GARIN1B: variants seen among roughly 807,000 people sequenced by gnomAD.
GARIN1B encodes the protein Golgi-associated RAB2 interactor protein 1B.
chr7:128,715,723 G>C, the GARIN1B span: 3 of 1,556,596 alleles, frequency 1.9e-6, no homozygotes, highest in Non-Finnish European at 2.7e-6. Context: ...AGCACTCTTT[G>C]ATTCTTCGAA....
the GARIN1B span, among the ~76,000 whole-genome samples, chr7:128,716,136 G>A: frequency 6.6e-6 from 1 of 152,204 alleles, no homozygotes; most frequent in African/African-American, 2.4e-5. Flanking sequence ...AGTAACCTGT[G>A]CAGCCTGAAT....
chr7:128,723,122 C>T, the GARIN1B span: 1 of 1,456,674 alleles, frequency 6.9e-7, no homozygotes, highest in Non-Finnish European at 9.1e-7. Context: ...ACTTTAGAGT[C>T]TGGACCATGA....
At chr7:128,730,044 C>A in the GARIN1B span, 3 of 1,614,054 alleles carry the variant, frequency 1.9e-6, no homozygotes, top group South Asian at 2.2e-5. Flanking sequence ...CAGCCTCCAC[C>A]GGGCCACAGC....
chr7:128,718,233 GA>G, the GARIN1B span, among the ~76,000 whole-genome samples: 2 of 152,066 alleles, frequency 1.3e-5, no homozygotes, highest in Non-Finnish European at 2.9e-5. Context: ...AGGAGTTCGA[GA>G]CCAGCCTGAC....
the GARIN1B span, chr7:128,729,829 C>T: frequency 3.3e-6 from 5 of 1,516,388 alleles, no homozygotes; most frequent in Admixed American, 1.8e-5. Flanking sequence ...AGCACCCCCC[C>T]AAATGTCAGC....
the GARIN1B span, chr7:128,723,420 G>A: frequency 7.0e-7 from 1 of 1,429,862 alleles, no homozygotes; most frequent in African/African-American, 1.4e-5. Flanking sequence ...AATGAGCGCA[G>A]GGTTTTACGT....
At chr7:128,728,345 G>C in the GARIN1B span, among the ~76,000 whole-genome samples, 457 of 152,186 alleles carry the variant, frequency 3.0e-3, 2 homozygotes, top group African/African-American at 0.01. Flanking sequence ...GGGAGGCTGA[G>C]ACAGGAGAAT....
At chr7:128,721,636 G>A in the GARIN1B span, among the ~76,000 whole-genome samples, 1 of 152,142 alleles carries the variant, frequency 6.6e-6, no homozygotes, top group Non-Finnish European at 1.5e-5. Flanking sequence ...TTTAATAGAA[G>A]AGGCAAAAGC....
chr7:128,713,764 C>A, the GARIN1B span: 3 of 386,262 alleles, frequency 7.8e-6, no homozygotes, highest in Non-Finnish European at 1.5e-5. Flanking sequence ...GAGAAGAAGT[C>A]ATCTCCCCAA....
the GARIN1B span, chr7:128,723,495 T>G: frequency 1.8e-6 from 1 of 550,030 alleles, no homozygotes; most frequent in East Asian, 3.6e-5. Context: ...GATGGATTGC[T>G]TGAGGTCAGG....
chr7:128,729,827 C>A, the GARIN1B span: 3 of 1,506,808 alleles, frequency 2.0e-6, no homozygotes, highest in South Asian at 1.2e-5. Context: ...TAAGCACCCC[C>A]CCAAATGTCA....
chr7:128,723,191 A>G, the GARIN1B span: 1 of 1,602,642 alleles, frequency 6.2e-7, no homozygotes. Flanking sequence ...TTTTTTCTTC[A>G]TATAGTTAGT....
chr7:128,724,291 G>A, the GARIN1B span, among the ~76,000 whole-genome samples: 72 of 152,316 alleles, frequency 4.7e-4, no homozygotes, highest in African/African-American at 1.7e-3. Flanking sequence ...GACTACAGGC[G>A]TGAGCCACTG....
chr7:128,715,762 T>A, the GARIN1B span: 3 of 1,331,368 alleles, frequency 2.3e-6, no homozygotes, highest in Non-Finnish European at 3.2e-6. Flanking sequence ...ACTGAGAGAG[T>A]CCATCCCTGA....
the GARIN1B span, chr7:128,717,053 G>A: frequency 6.7e-7 from 1 of 1,488,348 alleles, no homozygotes; most frequent in Non-Finnish European, 9.1e-7. Context: ...GATGCAAAGT[G>A]GAGGTTGCTT....
At chr7:128,715,557 T>C in the GARIN1B span, 1 of 1,614,128 alleles carries the variant, frequency 6.2e-7, no homozygotes, top group Non-Finnish European at 8.5e-7. Context: ...TTCAGGGGCC[T>C]CTTGCCTGTG....
At chr7:128,725,306 TG>T in the GARIN1B span, among the ~76,000 whole-genome samples, 1 of 152,190 alleles carries the variant, frequency 6.6e-6, no homozygotes, top group Non-Finnish European at 1.5e-5. Context: ...ATTTTGAAAC[TG>T]CTTTTTGGCT....
At chr7:128,723,807 C>T in the GARIN1B span, among the ~76,000 whole-genome samples, 1 of 151,982 alleles carries the variant, frequency 6.6e-6, no homozygotes, top group Admixed American at 6.6e-5. Flanking sequence ...CCACCGCGCC[C>T]AGTCACTGTT....
chr7:128,718,987 G>C, the GARIN1B span: 6 of 1,614,128 alleles, frequency 3.7e-6, no homozygotes, highest in Non-Finnish European at 8.5e-7. Context: ...TTCAAATTCT[G>C]CAAAAGGGGC....
Sources: gnomAD v4.1 joint callset for allele counts (sites outside exome capture counted in the v4.1 genomes callset) on GRCh38, gnomAD v4.1.1 for gene constraint, MANE v1.5 for transcripts, NCBI Gene and HGNC (gene_info 2026-07-23, HGNC 2026-07-21) for gene names.